The following CSRNP3 variants were observed in gnomAD, a reference collection of about 807,000 sequenced individuals.
The protein encoded by CSRNP3 is cysteine/serine-rich nuclear protein 3.
Under a neutral mutation model 48.0 loss-of-function variants are expected in CSRNP3, and 12 were observed. The ratio of observed to expected loss-of-function variants is 0.25; its 90% confidence interval spans 0.16 to 0.41. The LOEUF (loss-of-function observed/expected upper bound fraction) is 0.41, where lower values mean the gene tolerates loss of function less well. Among genes scored for constraint, CSRNP3 ranks in the 10% least tolerant of loss-of-function variants. The pLI is 1.00. For synonymous variants in CSRNP3, 263 were observed against 269.7 expected, an observed-to-expected ratio of 0.98 and a Z score of 0.24; for missense variants, 580 against 724.4, an observed-to-expected ratio of 0.80 and a Z score of 2.29.
At chr2:165,642,906 T>G (rs1429431430) in intron 4 of CSRNP3, among the ~76,000 whole-genome samples, 1 of 152,198 alleles carries the variant, frequency 6.6e-6, no homozygotes, top group Non-Finnish European at 1.5e-5. Context: ...CTCTGTGCTG[T>G]ATTCTGTCAT....
At chr2:165,518,635 C>G (rs978976313) in intron 3 of CSRNP3, among the ~76,000 whole-genome samples, 11 of 151,822 alleles carry the variant, frequency 7.2e-5, no homozygotes, top group African/African-American at 2.7e-4. Context: ...GTGGTTTAGT[C>G]TAATTGGATA....
At chr2:165,511,625 T>C (rs1331274194) in intron 2 of CSRNP3, among the ~76,000 whole-genome samples, 2 of 152,268 alleles carry the variant, frequency 1.3e-5, no homozygotes, top group Non-Finnish European at 1.5e-5. Context: ...ACTGTGGCTC[T>C]TTCCATTTTC....
intron 3 of CSRNP3, among the ~76,000 whole-genome samples, chr2:165,564,941 C>T (rs1574839518): frequency 2.0e-5 from 3 of 151,902 alleles, no homozygotes; most frequent in Non-Finnish European, 2.9e-5. Context: ...CCATAGGCTT[C>T]CTAGGGCAAA....
intron 4 of CSRNP3, among the ~76,000 whole-genome samples, chr2:165,601,656 C>A (rs868814583): frequency 6.6e-6 from 1 of 152,012 alleles, no homozygotes; most frequent in Non-Finnish European, 1.5e-5. Context: ...TTCCTTCCTT[C>A]CTTCCTTGTC....
rs1417282156 is a variant in CSRNP3, at chr2:165,645,877, T to TTTTTG, written c.149-11867_149-11863dup. On this transcript the variant is annotated intron_variant, in intron 4 of 6. Coordinates refer to ENST00000651982, the MANE Select transcript of CSRNP3 (RefSeq NM_001172173.2). ...TTTTCTGCCTCAGCCTTGTAGGTTT[T>TTTTTG]TTTTGTTTTGTTTTGTTTTGTGTTT... Among the ~76,000 whole-genome samples, 8 of 152,150 alleles carry TTTTTG rather than the reference T, an allele frequency of 5.3e-5. No homozygotes were observed. In the South Asian group the frequency reaches 8.3e-4, roughly 16 times the overall value.
chr2:165,511,270 G>A (rs66502027), intron 2 of CSRNP3, among the ~76,000 whole-genome samples: 29,680 of 152,024 alleles, frequency 0.2, 3,136 homozygotes, highest in African/African-American at 0.24. Context: ...TCTTTAAAAA[G>A]GTTTGTTAAA....
chr2:165,474,109 C>T (rs547886630), intron 1 of CSRNP3, among the ~76,000 whole-genome samples: 1 of 152,240 alleles, frequency 6.6e-6, no homozygotes, highest in African/African-American at 2.4e-5. Context: ...ACACATTTCT[C>T]CTTATCTCCT....
At chr2:165,650,130 A>G (rs1446459191) in intron 4 of CSRNP3, among the ~76,000 whole-genome samples, 2 of 152,202 alleles carry the variant, frequency 1.3e-5, no homozygotes, top group Non-Finnish European at 1.5e-5. Context: ...CTTCTTTAGT[A>G]TAAGTCTTTT....
At chr2:165,623,003 G>A (rs113168561) in intron 4 of CSRNP3, among the ~76,000 whole-genome samples, 3,874 of 152,246 alleles carry the variant, frequency 0.025, 178 homozygotes, top group African/African-American at 0.088. Context: ...TTTTTGGTAT[G>A]CAGTAGGCTC....
At chr2:165,502,247 A>C (rs1376109876) in intron 2 of CSRNP3, among the ~76,000 whole-genome samples, 1 of 152,028 alleles carries the variant, frequency 6.6e-6, no homozygotes, top group Non-Finnish European at 1.5e-5. Flanking sequence ...TTTATAAAGA[A>C]GTTTGCAAAA....
chr2:165,679,911 A>G lies in CSRNP3; in HGVS notation c.*158A>G. The G allele has an allele frequency of 1.0e-6, 1 of 969,988 alleles. No homozygotes were observed. Among genetic ancestry groups the G allele is most frequent in the Non-Finnish European group, 1.5e-6 (1 of 655,888 alleles). 60.1% of individuals were successfully genotyped at this position (969,988 alleles called of 1,614,324 possible). On this transcript the variant is annotated 3_prime_UTR_variant, in exon 7 of 7. Transcript: ENST00000651982. ...TTGTTTTTTCCTTTCTAGCCACATGACTGTGGCATTGCACAAATACAGTCT... is the reference window on the plus strand; with the variant it reads ...TTGTTTTTTCCTTTCTAGCCACATGGCTGTGGCATTGCACAAATACAGTCT...
chr2:165,626,479 A>G (rs1358793688), intron 4 of CSRNP3, among the ~76,000 whole-genome samples: 1 of 152,246 alleles, frequency 6.6e-6, no homozygotes, highest in African/African-American at 2.4e-5. Flanking sequence ...CTGCAGGTAC[A>G]TAAACACCTT....
At chr2:165,624,683 C>T (rs1195458356) in intron 4 of CSRNP3, among the ~76,000 whole-genome samples, 2 of 152,120 alleles carry the variant, frequency 1.3e-5, no homozygotes, top group African/African-American at 4.8e-5. Flanking sequence ...ACGAAGAAAG[C>T]AAAGCACACT....
chr2:165,650,792 TA>T (rs34638298), intron 4 of CSRNP3, among the ~76,000 whole-genome samples: 39,658 of 152,138 alleles, frequency 0.26, 5,792 homozygotes, highest in Non-Finnish European at 0.33. Flanking sequence ...TCTAAATAAA[TA>T]AATTCAAAAC....
At chr2:165,592,214 G>A (rs547291533) in intron 3 of CSRNP3, among the ~76,000 whole-genome samples, 1 of 152,242 alleles carries the variant, frequency 6.6e-6, no homozygotes, top group South Asian at 2.1e-4. Context: ...TAAGATTTAA[G>A]TACTGCCTTG....
At chr2:165,479,483 T>C (rs1428915966) in intron 1 of CSRNP3, among the ~76,000 whole-genome samples, 4 of 152,238 alleles carry the variant, frequency 2.6e-5, no homozygotes, top group African/African-American at 7.2e-5. Flanking sequence ...TTATTAATAA[T>C]AATGCCTATC....
At chr2:165,479,608 A>G (rs909695313) in intron 1 of CSRNP3, among the ~76,000 whole-genome samples, 16 of 152,274 alleles carry the variant, frequency 1.1e-4, no homozygotes, top group African/African-American at 3.4e-4. Flanking sequence ...ATCAGCTTAT[A>G]TTACTGTAGG....
In CSRNP3 at chr2:165,685,818, A is replaced by G. The variant is rs1340764939; in HGVS notation, c.*6065A>G. 6.6e-6 allele frequency: 1 copy of G among 152,092 alleles called. No individual in the cohort carries two copies. Among genetic ancestry groups the G allele is most frequent in the African/African-American group, 2.4e-5 (1 of 41,452 alleles). The allele number at this position is 152,092 out of a possible 1,614,324, so 9.4% of individuals were successfully genotyped here. On this transcript the variant is annotated 3_prime_UTR_variant, in exon 7 of 7. Coordinates refer to ENST00000651982, the MANE Select transcript of CSRNP3 (RefSeq NM_001172173.2). The stretch of plus-strand genomic sequence containing the variant: ...AGGAATGTGATAGAATTTATTTTGG[A>G]TAACATTTGTATTCAGCATGCTAAT...
At chr2:165,588,591 C>G (rs975548451) in intron 3 of CSRNP3, among the ~76,000 whole-genome samples, 1 of 152,160 alleles carries the variant, frequency 6.6e-6, no homozygotes, top group Admixed American at 6.5e-5. Flanking sequence ...AGACTTTCAG[C>G]TCTTCATATT....
Sources: gnomAD v4.1 joint callset for allele counts (sites outside exome capture counted in the v4.1 genomes callset) on GRCh38, gnomAD v4.1.1 for gene constraint, MANE v1.5 for transcripts, NCBI Gene and HGNC (gene_info 2026-07-23, HGNC 2026-07-21) for gene names.